Variants in GRIN2A observed in about 807,000 individuals in gnomAD.
GRIN2A encodes glutamate receptor ionotropic, NMDA 2A.
A neutral mutation model predicts 113.4 loss-of-function variants in GRIN2A; 22 were observed. That is an observed-to-expected ratio of 0.19 (90% CI 0.14 to 0.28). The LOEUF is 0.28. Ranked by LOEUF, GRIN2A falls within the 10% of genes least tolerant of loss-of-function variation. The pLI is 1.00. For missense variants in GRIN2A, 1,502 were observed against 1,887.0 expected, an observed-to-expected ratio of 0.80 and a Z score of 3.78; for synonymous variants, 827 against 738.4, an observed-to-expected ratio of 1.12 and a Z score of -1.94.
intron 2 of GRIN2A, among the ~76,000 whole-genome samples, chr16:10,053,915 A>G (rs1418567774): frequency 1.3e-5 from 2 of 152,150 alleles, no homozygotes; most frequent in African/African-American, 2.4e-5. Context: ...AAAAGATCCT[A>G]CGTGGATAAA....
rs1359161926 is a variant in GRIN2A, at chr16:9,762,893, C to T, written c.*256G>A. The T allele has an allele frequency of 3.5e-6, 2 of 565,296 alleles. No individual in the cohort carries two copies. Among genetic ancestry groups the T allele is most frequent in the Middle Eastern group, 4.7e-4 (1 of 2,116 alleles). 35.0% of individuals were successfully genotyped at this position (565,296 alleles called of 1,614,324 possible). ...AGTAGGCATGTCCCGGAGACTTGCC[C>T]TTATGTAGTTAGTTATTTTTGGTTA... is the stretch of plus-strand genomic sequence containing the variant. On this transcript the variant is annotated 3_prime_UTR_variant, in exon 13 of 13. Coordinates refer to ENST00000330684, the MANE Select transcript of GRIN2A (RefSeq NM_001134407.3).
intron 10 of GRIN2A, among the ~76,000 whole-genome samples, chr16:9,820,189 A>G (rs1490106160): frequency 6.6e-6 from 1 of 152,156 alleles, no homozygotes; most frequent in East Asian, 1.9e-4. Flanking sequence ...AAAACAACCC[A>G]TTTTGTGCTC....
chr16:10,122,811 C>G (rs1199683342), intron 2 of GRIN2A, among the ~76,000 whole-genome samples: 1 of 152,094 alleles, frequency 6.6e-6, no homozygotes, highest in East Asian at 1.9e-4. Flanking sequence ...CGGAAATACA[C>G]AATATCAATC....
At chr16:9,805,664 CTTATTACAGGGCTG>C (rs2041951881) in intron 10 of GRIN2A, 1 of 152,142 alleles carries the variant, frequency 6.6e-6, no homozygotes. Flanking sequence ...TAAATAATAA[CTTATTACAGGGCTG>C]GCTGTTGGAT....
intron 11 of GRIN2A, among the ~76,000 whole-genome samples, chr16:9,775,860 T>C (rs902050994): frequency 1.3e-5 from 2 of 152,192 alleles, no homozygotes; most frequent in African/African-American, 4.8e-5. Flanking sequence ...GGAGGTAAGC[T>C]GTGATGAGTG....
At chr16:9,959,408 A>G (rs1381471698) in intron 2 of GRIN2A, among the ~76,000 whole-genome samples, 3 of 152,186 alleles carry the variant, frequency 2.0e-5, no homozygotes, top group Non-Finnish European at 2.9e-5. Context: ...GGAGCTCATA[A>G]TAGGCTTGTA....
In GRIN2A at chr16:9,928,105, G is replaced by A. The variant is rs115446440; in HGVS notation, c.1007+9854C>T. ...ACAGCTAGCACCATCACGCTGGACC[G>A]TGACTCCTCCATCCCTAAGATTCAT... On this transcript the variant is annotated intron_variant, in intron 3 of 12. Coordinates refer to ENST00000330684, the MANE Select transcript of GRIN2A (RefSeq NM_001134407.3). 8.8e-3 allele frequency among the ~76,000 whole-genome samples: 1,343 copies of A among 152,288 alleles called. 22 individuals carry two copies. Among genetic ancestry groups the A allele is most frequent in the African/African-American group, 0.031 (1,271 of 41,554 alleles).
chr16:10,058,880 G>A (rs2047501291), intron 2 of GRIN2A, among the ~76,000 whole-genome samples: 1 of 152,214 alleles, frequency 6.6e-6, no homozygotes, highest in South Asian at 2.1e-4. Flanking sequence ...AGTGGGCAGA[G>A]ACAGTCAATA....
intron 4 of GRIN2A, among the ~76,000 whole-genome samples, chr16:9,873,992 C>A (rs1200433371): frequency 6.6e-6 from 1 of 152,216 alleles, no homozygotes; most frequent in African/African-American, 2.4e-5. Flanking sequence ...CCATTGGTTT[C>A]TATGAGTCAT....
intron 3 of GRIN2A, among the ~76,000 whole-genome samples, chr16:9,909,226 T>G (rs553551439): frequency 6.6e-6 from 1 of 152,264 alleles, no homozygotes; most frequent in East Asian, 1.9e-4. Flanking sequence ...TTATTCACTA[T>G]CACAAGAAAA....
At chr16:10,093,873 T>C (rs768013800) in intron 2 of GRIN2A, among the ~76,000 whole-genome samples, 1 of 152,200 alleles carries the variant, frequency 6.6e-6, no homozygotes, top group African/African-American at 2.4e-5. Flanking sequence ...GGGAAGAGAT[T>C]GTCTGGGAAA....
intron 2 of GRIN2A, among the ~76,000 whole-genome samples, chr16:9,945,923 A>T (rs1380980949): frequency 6.6e-6 from 1 of 152,136 alleles, no homozygotes; most frequent in Non-Finnish European, 1.5e-5. Flanking sequence ...GGAATTTCAG[A>T]CCTTGTCCCA....
intron 11 of GRIN2A, among the ~76,000 whole-genome samples, chr16:9,792,060 G>A (rs1432127201): frequency 1.3e-5 from 2 of 150,114 alleles, no homozygotes; most frequent in Non-Finnish European, 2.9e-5. Context: ...AGGAACAGAG[G>A]GAACCTGATG....
intron 2 of GRIN2A, among the ~76,000 whole-genome samples, chr16:9,966,567 C>A (rs2045559900): frequency 6.6e-6 from 1 of 152,156 alleles, no homozygotes; most frequent in African/African-American, 2.4e-5. Flanking sequence ...CTATTGTGAA[C>A]AGTCCTGCAA....
chr16:9,855,678 A>C (rs1198040490), intron 4 of GRIN2A, among the ~76,000 whole-genome samples: 1 of 152,188 alleles, frequency 6.6e-6, no homozygotes, highest in Non-Finnish European at 1.5e-5. Context: ...TAATTAGAAG[A>C]GGGGCAAAGG....
At chr16:10,080,462 T>C (rs377246945) in intron 2 of GRIN2A, among the ~76,000 whole-genome samples, 28 of 152,266 alleles carry the variant, frequency 1.8e-4, no homozygotes, top group Non-Finnish European at 3.5e-4. Context: ...TACCTAAGCA[T>C]AGACCTCTGT....
At chr16:9,777,505 T>G (rs893846888) in intron 11 of GRIN2A, among the ~76,000 whole-genome samples, 4 of 152,182 alleles carry the variant, frequency 2.6e-5, no homozygotes, top group African/African-American at 9.7e-5. Flanking sequence ...ATATTCCATT[T>G]CTGTATAATG....
intron 3 of GRIN2A, among the ~76,000 whole-genome samples, chr16:9,893,473 GT>G (rs2043738771): frequency 6.6e-6 from 1 of 151,956 alleles, no homozygotes; most frequent in Non-Finnish European, 1.5e-5. Context: ...TTTTATTTTT[GT>G]TATTTTTTTT....
chr16:10,172,247 G>C (rs1326307571), intron 2 of GRIN2A, among the ~76,000 whole-genome samples: 1 of 152,212 alleles, frequency 6.6e-6, no homozygotes, highest in Non-Finnish European at 1.5e-5. Flanking sequence ...CAGACTCTTT[G>C]TCCAAGGTTT....
Sources: gnomAD v4.1 joint callset for allele counts (sites outside exome capture counted in the v4.1 genomes callset) on GRCh38, gnomAD v4.1.1 for gene constraint, MANE v1.5 for transcripts, NCBI Gene and HGNC (gene_info 2026-07-23, HGNC 2026-07-21) for gene names.